Variants in EIF4G3 observed in about 807,000 individuals in gnomAD.
EIF4G3 encodes the protein eIF-4-gamma 3.
A neutral mutation model predicts 186.4 loss-of-function variants in EIF4G3; 34 were observed. The ratio of observed to expected loss-of-function variants is 0.18; its 90% CI spans 0.14 to 0.24. The LOEUF (loss-of-function observed/expected upper bound fraction) is 0.24, where lower values mean the gene tolerates loss of function less well. EIF4G3 is among the 10% of genes least tolerant of loss of function. The pLI is 1.00. For missense variants in EIF4G3, 1,536 were observed against 1,948.5 expected (o/e 0.79, Z 3.99); for synonymous variants, 673 against 679.5 (o/e 0.99, Z 0.15).
At chr1:20,970,281 A>T (rs920997936) in intron 11 of EIF4G3, among the ~76,000 whole-genome samples, 1 of 152,224 alleles carries the variant, frequency 6.6e-6, no homozygotes, top group African/African-American at 2.4e-5. Flanking sequence ...TCCAGCAAAG[A>T]CTGGAAAAAG....
chr1:20,977,842 C>T (rs143105521), intron 10 of EIF4G3, among the ~76,000 whole-genome samples: 166 of 152,238 alleles, frequency 1.1e-3, no homozygotes, highest in African/African-American at 3.9e-3. Context: ...TGTTTCTATA[C>T]ATATTGTACA....
At chr1:20,826,566 T>G (rs1202296112) in intron 32 of EIF4G3, among the ~76,000 whole-genome samples, 4 of 132,104 alleles carry the variant, frequency 3.0e-5, no homozygotes, top group African/African-American at 1.1e-4. Flanking sequence ...CTCGGCTAAC[T>G]GCAACCTCTG....
chr1:20,951,051 A>G (rs2096194364), intron 12 of EIF4G3, among the ~76,000 whole-genome samples: 1 of 151,978 alleles, frequency 6.6e-6, no homozygotes, highest in African/African-American at 2.4e-5. Flanking sequence ...AGCTCCCTGC[A>G]CAATTCTATT....
At chr1:20,935,983 G>A (rs1306274811) in intron 14 of EIF4G3, among the ~76,000 whole-genome samples, 2 of 152,160 alleles carry the variant, frequency 1.3e-5, no homozygotes, top group Non-Finnish European at 2.9e-5. Flanking sequence ...GAAAGATGTA[G>A]AACTAAGTTA....
intron 2 of EIF4G3, among the ~76,000 whole-genome samples, chr1:21,143,938 T>G (rs2097388390): frequency 6.6e-6 from 1 of 152,086 alleles, no homozygotes; most frequent in Admixed American, 6.6e-5. Context: ...AAGAAAAAAC[T>G]TATTTATAAA....
intron 30 of EIF4G3, among the ~76,000 whole-genome samples, chr1:20,839,703 G>C (rs1490114557): frequency 6.6e-6 from 1 of 150,632 alleles, no homozygotes; most frequent in African/African-American, 2.4e-5. Flanking sequence ...GGCCGTGGCT[G>C]GTTTCAGACT....
Position 21,007,084 on chromosome 1 carries a change from C to T in EIF4G3, c.-66-4276G>A, listed in dbSNP as rs138334538. ...AACAAACATAAATCTGACTAAAAAACTAAGCTGCCAAATTTTCAAAGAGGT... is the reference window on the plus strand; with the variant it reads ...AACAAACATAAATCTGACTAAAAAATTAAGCTGCCAAATTTTCAAAGAGGT... On this transcript the variant is annotated intron_variant, in intron 4 of 36. Coordinates refer to ENST00000602326, the MANE Select transcript of EIF4G3 (RefSeq NM_001391906.1). 4.7e-4 allele frequency among the ~76,000 whole-genome samples: 72 copies of T among 152,148 alleles called. 2 individuals carry two copies. Among genetic ancestry groups the T allele is most frequent in the African/African-American group, 1.6e-3 (66 of 41,524 alleles).
At chr1:20,969,632 A>G (rs1409852868) in intron 11 of EIF4G3, 36 bp from the exon 12 acceptor site, 7 of 1,601,720 alleles carry the variant, frequency 4.4e-6, no homozygotes, top group Non-Finnish European at 5.1e-6. Flanking sequence ...TGTACAGATG[A>G]GTGTCTGTGT....
intron 14 of EIF4G3, among the ~76,000 whole-genome samples, chr1:20,925,089 G>A (rs2094786162): frequency 1.3e-5 from 2 of 152,148 alleles, no homozygotes; most frequent in Admixed American, 6.5e-5. Flanking sequence ...AAATACTGGT[G>A]TATATGCAAG....
chr1:21,095,275 A>G (rs1424872326), intron 2 of EIF4G3, among the ~76,000 whole-genome samples: 1 of 152,198 alleles, frequency 6.6e-6, no homozygotes, highest in Non-Finnish European at 1.5e-5. Context: ...TTGCAAGACT[A>G]TACTATTCTT....
At chr1:20,841,737 G>C (rs546584429) in intron 29 of EIF4G3, among the ~76,000 whole-genome samples, 1 of 152,186 alleles carries the variant, frequency 6.6e-6, no homozygotes, top group Non-Finnish European at 1.5e-5. Flanking sequence ...AAGTCGGTCA[G>C]CCAGAGTTGC....
intron 4 of EIF4G3, among the ~76,000 whole-genome samples, chr1:21,009,686 GCT>G (rs1367328751): frequency 6.6e-6 from 1 of 151,752 alleles, no homozygotes; most frequent in Non-Finnish European, 1.5e-5. Context: ...ACGGAGTTTT[GCT>G]CTGTCGCCCA....
chr1:20,895,785 AAC>A (rs1236746199), intron 16 of EIF4G3, among the ~76,000 whole-genome samples: 2 of 152,244 alleles, frequency 1.3e-5, no homozygotes, highest in African/African-American at 2.4e-5. Flanking sequence ...AATCAAGTAT[AAC>A]ACATAATATT....
chr1:21,059,455 G>A (rs998081389), intron 3 of EIF4G3, among the ~76,000 whole-genome samples: 1 of 151,792 alleles, frequency 6.6e-6, no homozygotes, highest in South Asian at 2.1e-4. Flanking sequence ...CAACTAAAAG[G>A]AGCACTACAG....
intron 2 of EIF4G3, among the ~76,000 whole-genome samples, chr1:21,103,517 A>G (rs958253766): frequency 6.6e-6 from 1 of 152,166 alleles, no homozygotes; most frequent in Non-Finnish European, 1.5e-5. Flanking sequence ...AACTTACAGC[A>G]GTGGAAGAAT....
intron 12 of EIF4G3, among the ~76,000 whole-genome samples, chr1:20,963,037 C>A (rs886934328): frequency 6.6e-6 from 1 of 151,692 alleles, no homozygotes. Flanking sequence ...CAGGCGTGCA[C>A]CACCATGTCC....
intron 19 of EIF4G3, among the ~76,000 whole-genome samples, chr1:20,885,480 G>A (rs1442300396): frequency 6.6e-6 from 1 of 152,150 alleles, no homozygotes; most frequent in Non-Finnish European, 1.5e-5. Context: ...TGAGAGAAAA[G>A]ATATATAAGG....
intron 14 of EIF4G3, among the ~76,000 whole-genome samples, chr1:20,934,399 TAAG>T (rs2095445351): frequency 6.6e-6 from 1 of 151,484 alleles, no homozygotes; most frequent in African/African-American, 2.4e-5. Context: ...AGACAGACAA[TAAG>T]AAGGTGGTAG....
chr1:21,040,891 T>C (rs1271775525), intron 4 of EIF4G3, among the ~76,000 whole-genome samples: 2 of 152,088 alleles, frequency 1.3e-5, no homozygotes, highest in Non-Finnish European at 1.5e-5. Flanking sequence ...GACTGCTGAG[T>C]GTTCAAACAA....
Sources: allele counts gnomAD v4.1 joint callset (sites outside exome capture counted in the v4.1 genomes callset), GRCh38; gene constraint gnomAD v4.1.1; transcripts MANE v1.5; gene names NCBI Gene and HGNC (gene_info 2026-07-23, HGNC 2026-07-21).